Variants in RAB11FIP4 observed in about 807,000 individuals in gnomAD.
RAB11FIP4 encodes RAB11 family interacting protein 4.
Under a neutral mutation model 74.3 loss-of-function variants are expected in RAB11FIP4, and 23 were observed. The ratio of observed to expected loss-of-function variants is 0.31; its 90% CI spans 0.22 to 0.44. The LOEUF is 0.44. Ranked by LOEUF, RAB11FIP4 falls within the 20% of genes least tolerant of loss-of-function variation. The pLI is 1.00. For synonymous variants in RAB11FIP4, 360 were observed against 359.9 expected (o/e 1.00, Z 0.00); for missense variants, 630 against 863.9 (o/e 0.73, Z 3.39).
chr17:31,459,859 C>A (rs577291190), intron 3 of RAB11FIP4, among the ~76,000 whole-genome samples: 1 of 152,104 alleles, frequency 6.6e-6, no homozygotes, highest in Non-Finnish European at 1.5e-5. Flanking sequence ...GTTCTGGACA[C>A]AGGGGTGGCT....
rs56078412 is a variant in RAB11FIP4 at position 31,430,352 on chromosome 17, A to ATT, written c.160-1439_160-1438dup. On this transcript the variant is annotated intron_variant, in intron 1 of 14. Coordinates refer to ENST00000621161, the MANE Select transcript of RAB11FIP4 (RefSeq NM_032932.6). ...TTGTGGGCCGTGTTGTGGAGTTTGG[A>ATT]TTTTTTTTTTTTTTTTTTTTTTTGA... Among the ~76,000 whole-genome samples, 932 of 111,738 alleles carry ATT rather than the reference A, an allele frequency of 8.3e-3. 17 individuals are homozygous for ATT. Among genetic ancestry groups the ATT allele is most frequent in the African/African-American group, 0.032 (840 of 25,950 alleles). The allele number at this position is 111,738 out of a possible 152,430, so 73.3% of individuals were successfully genotyped here.
At position 31,531,684 on chromosome 17, in the gene RAB11FIP4, C is replaced by T. The variant is rs764755176; in HGVS notation, c.1866C>T (p.Ile622=). 8.7e-6 allele frequency: 14 copies of T among 1,613,974 alleles called. No homozygotes were observed. Among genetic ancestry groups the T allele is most frequent in the African/African-American group, 1.3e-5 (1 of 74,920 alleles). ...FRLRQYMDKI[I]LAILDHNPSI... ...TGAGGCAGTACATGGACAAGATTAT[C>T]CTCGCCATCCTGGACCACAATCCCT... is the stretch of plus-strand genomic sequence containing the variant. The change falls in exon 15 of 15, where the codon ATC becomes ATT. Residue 622 remains isoleucine (I), a synonymous_variant. Coordinates refer to ENST00000621161, the MANE Select transcript of RAB11FIP4 (RefSeq NM_032932.6).
intron 3 of RAB11FIP4, among the ~76,000 whole-genome samples, chr17:31,497,828 T>C (rs1381743699): frequency 6.6e-6 from 1 of 152,094 alleles, no homozygotes; most frequent in East Asian, 1.9e-4. Flanking sequence ...TTAAACCTTG[T>C]TTTCCTTGGA....
rs1410465004 is a variant in RAB11FIP4, at chr17:31,521,954, C to T, written c.798C>T (p.Asn266=). Residue 266 remains asparagine (N), a synonymous_variant, in exon 6 of 15, where the codon AAC becomes AAT. Coordinates refer to ENST00000621161, the MANE Select transcript of RAB11FIP4 (RefSeq NM_032932.6). ...CTAGGAAAATGCGGCACGTGTACAA[C>T]AGCGAATTGCTAGATGTTTACTGCT... The part of the protein sequence containing the change: ...QTPRKMRHVY[N]SELLDVYCSQ... The T allele has an allele frequency of 6.2e-7, 1 of 1,614,204 alleles. No homozygotes were observed. Among genetic ancestry groups the T allele is most frequent in the East Asian group, 2.2e-5 (1 of 44,886 alleles).
intron 1 of RAB11FIP4, among the ~76,000 whole-genome samples, chr17:31,411,007 C>T (rs970179665): frequency 1.3e-5 from 2 of 152,232 alleles, no homozygotes; most frequent in Admixed American, 6.5e-5. Flanking sequence ...CATCTTTCCA[C>T]CCTGGATGGC....
Position 31,391,804 on chromosome 17 carries a change from G to A in RAB11FIP4, c.-49G>A. On this transcript the variant is annotated 5_prime_UTR_variant, in exon 1 of 15. Coordinates refer to ENST00000621161, the MANE Select transcript of RAB11FIP4 (RefSeq NM_032932.6). ...GCGGCGATGGCGGCGGCGGGCAGGC[G>A]GCGGGCGCGGCGGGCGAGGGGTCCG... The A allele has an allele frequency of 1.0e-6, 1 of 979,030 alleles. No homozygotes were observed. Among genetic ancestry groups the A allele is most frequent in the Non-Finnish European group, 1.2e-6 (1 of 826,594 alleles). 60.6% of individuals were successfully genotyped at this position (979,030 alleles called of 1,614,324 possible). A position where few individuals can be genotyped will look rare whatever the true frequency, so the allele number is the denominator to read the frequency against.
At chr17:31,406,770 T>G (rs988428361) in intron 1 of RAB11FIP4, among the ~76,000 whole-genome samples, 1 of 152,212 alleles carries the variant, frequency 6.6e-6, no homozygotes, top group African/African-American at 2.4e-5. Flanking sequence ...ATTTCAGCAC[T>G]GTTTGTCATG....
chr17:31,506,937 T>C (rs995983062), intron 3 of RAB11FIP4, among the ~76,000 whole-genome samples: 2 of 152,204 alleles, frequency 1.3e-5, no homozygotes, highest in Non-Finnish European at 2.9e-5. Context: ...TAGTTTTAAA[T>C]TCTTTGAGGA....
intron 3 of RAB11FIP4, among the ~76,000 whole-genome samples, chr17:31,478,350 T>C (rs997920858): frequency 6.6e-6 from 1 of 152,200 alleles, no homozygotes; most frequent in African/African-American, 2.4e-5. Flanking sequence ...GTTGGGAGCC[T>C]GGTGCATTGT....
chr17:31,479,544 G>A (rs2017548), intron 3 of RAB11FIP4, among the ~76,000 whole-genome samples: 56,198 of 152,008 alleles, frequency 0.37, 11,358 homozygotes, highest in East Asian at 0.46. Flanking sequence ...AATGGTAGGG[G>A]ACCTGACAGG....
chr17:31,483,619 A>C (rs1269867658), intron 3 of RAB11FIP4, among the ~76,000 whole-genome samples: 1 of 152,166 alleles, frequency 6.6e-6, no homozygotes, highest in Non-Finnish European at 1.5e-5. Context: ...CAGAACCCTG[A>C]GGGTTCCAAC....
intron 6 of RAB11FIP4, 48 bp downstream of exon 6, chr17:31,522,097 A>G (rs200497803): frequency 1.4e-5 from 23 of 1,605,170 alleles, no homozygotes; most frequent in Non-Finnish European, 2.0e-5. Context: ...GGGCCAGGGC[A>G]GGGCCTGGAG....
chr17:31,506,389 T>TG (rs1369618349), intron 3 of RAB11FIP4, among the ~76,000 whole-genome samples: 22 of 152,346 alleles, frequency 1.4e-4, no homozygotes, highest in African/African-American at 5.3e-4. Context: ...CATTTCTTTG[T>TG]GGTGAGAACA....
chr17:31,505,249 A>G (rs1220882595), intron 3 of RAB11FIP4, among the ~76,000 whole-genome samples: 1 of 150,264 alleles, frequency 6.7e-6, no homozygotes, highest in Non-Finnish European at 1.5e-5. Context: ...TTGTGCAAGT[A>G]TCTAGTTTTT....
chr17:31,456,627 T>C (rs1430190564), intron 3 of RAB11FIP4, among the ~76,000 whole-genome samples: 2 of 152,246 alleles, frequency 1.3e-5, no homozygotes, highest in Non-Finnish European at 2.9e-5. Flanking sequence ...CTTTTTGGTT[T>C]TGGTAAGTCA....
At chr17:31,511,457 T>A (rs1208485230) in intron 3 of RAB11FIP4, among the ~76,000 whole-genome samples, 2 of 152,348 alleles carry the variant, frequency 1.3e-5, no homozygotes, top group African/African-American at 4.8e-5. Flanking sequence ...GTCCTGTGGC[T>A]GTGCTGTTCC....
At chr17:31,515,578 C>A (rs2072531324) in intron 3 of RAB11FIP4, among the ~76,000 whole-genome samples, 1 of 152,082 alleles carries the variant, frequency 6.6e-6, no homozygotes, top group African/African-American at 2.4e-5. Context: ...AGGCCTGTCG[C>A]TGAGCAGCTT....
intron 1 of RAB11FIP4, among the ~76,000 whole-genome samples, chr17:31,402,536 T>C (rs974668568): frequency 3.9e-5 from 6 of 152,148 alleles, no homozygotes; most frequent in African/African-American, 9.7e-5. Flanking sequence ...ACACAGGCCA[T>C]TGGGTCTGGC....
At chr17:31,421,053 C>T (rs1359632610) in intron 1 of RAB11FIP4, among the ~76,000 whole-genome samples, 1 of 152,102 alleles carries the variant, frequency 6.6e-6, no homozygotes, top group East Asian at 1.9e-4. Flanking sequence ...CATTGCACTC[C>T]AGCCTAGGCA....
Sources: gnomAD v4.1 joint callset for allele counts (sites outside exome capture counted in the v4.1 genomes callset) on GRCh38, gnomAD v4.1.1 for gene constraint, MANE v1.5 for transcripts, NCBI Gene and HGNC (gene_info 2026-07-23, HGNC 2026-07-21) for gene names.